TMEM117: variants seen among roughly 807,000 people sequenced by gnomAD.
The protein encoded by TMEM117 is transmembrane protein 117.
Under a neutral mutation model 52.4 loss-of-function variants are expected in TMEM117, and 27 were observed. That is an observed-to-expected ratio of 0.51 (90% CI 0.38 to 0.71). The LOEUF is 0.71. Ranked by LOEUF, TMEM117 falls within the 30% of genes least tolerant of loss-of-function variation. The pLI is 0.00. For missense variants in TMEM117, 556 were observed against 630.5 expected (o/e 0.88, Z 1.26); for synonymous variants, 215 against 206.3 (o/e 1.04, Z -0.36).
At chr12:43,906,737 C>T (rs561787511) in intron 2 of TMEM117, among the ~76,000 whole-genome samples, 2 of 152,342 alleles carry the variant, frequency 1.3e-5, no homozygotes, top group African/African-American at 2.4e-5. Context: ...TGGTGACAGA[C>T]AGCACCTGGA....
chr12:44,070,777 A>G (rs902965856), intron 3 of TMEM117, among the ~76,000 whole-genome samples: 1 of 152,202 alleles, frequency 6.6e-6, no homozygotes, highest in African/African-American at 2.4e-5. Flanking sequence ...TGTATGAGGC[A>G]TTACCAATTG....
upstream of TMEM117, among the ~76,000 whole-genome samples, chr12:43,834,744 C>G (rs975766565): frequency 6.6e-6 from 1 of 152,114 alleles, no homozygotes; most frequent in Non-Finnish European, 1.5e-5. Context: ...ATTGATTATG[C>G]AGTGGATTGA....
At chr12:43,928,365 G>T (rs1016822840) in intron 2 of TMEM117, among the ~76,000 whole-genome samples, 10 of 151,808 alleles carry the variant, frequency 6.6e-5, no homozygotes, top group African/African-American at 2.4e-4. Flanking sequence ...TTTTGCCTCA[G>T]ATATGTCTTC....
rs201423276 is a variant in TMEM117 at position 43,944,293 on chromosome 12, A to T, written c.361A>T (p.Ile121Leu). The change falls in exon 3 of 8, where the codon ATA (isoleucine) becomes TTA (leucine). Residue 121 changes from isoleucine (I) to leucine (L), a missense_variant. Ile to Leu is a conservative substitution (Grantham distance 5, BLOSUM62 2). This residue lies in a region of TMEM117 where 328 missense variants were observed against 371.4 expected (regional missense o/e 0.88). Transcript: ENST00000266534. ...CTTCAGCACAATTCTCTTTCTCTTC[A>T]TATTTTCTCACATATACAACACGAT... ...MFFSTILFLF[I>L]FSHIYNTILL... is the part of the protein sequence containing the mutation. 6 of 1,613,176 alleles carry T rather than the reference A, an allele frequency of 3.7e-6. No individual in the cohort carries two copies. The highest frequency in any genetic ancestry group is 5.1e-6 in the Non-Finnish European group (6 of 1,179,280).
chr12:44,085,504 A>G (rs1014995124), intron 3 of TMEM117, among the ~76,000 whole-genome samples: 5 of 152,236 alleles, frequency 3.3e-5, no homozygotes, highest in South Asian at 2.1e-4. Flanking sequence ...TAAATTACCA[A>G]TAGGGAGCTT....
chr12:44,354,309 G>A (rs1037125751), intron 6 of TMEM117, among the ~76,000 whole-genome samples: 4 of 151,896 alleles, frequency 2.6e-5, no homozygotes, highest in Admixed American at 6.6e-5. Flanking sequence ...GATTGCCCTG[G>A]CCAGAACTTC....
In TMEM117 at chr12:43,980,282, A is replaced by G. The variant is rs186155750; in HGVS notation, c.410+35940A>G. On this transcript the variant is annotated intron_variant, in intron 3 of 7. Transcript: ENST00000266534. ...GCTCTTCTGTGTGGAGTGGGATCAA[A>G]GCAGCCCTAACTAAAGCCCATAATG... is the stretch of plus-strand genomic sequence containing the variant. Among the ~76,000 whole-genome samples the G allele has an allele frequency of 1.9e-4, 29 of 152,250 alleles. No individual in the cohort carries two copies. In the East Asian group the frequency reaches 5.0e-3, roughly 26 times the overall value.
At chr12:44,104,941 T>TG (rs1382025317) in intron 3 of TMEM117, among the ~76,000 whole-genome samples, 5 of 151,958 alleles carry the variant, frequency 3.3e-5, no homozygotes, top group African/African-American at 1.2e-4. Context: ...GAATATGATA[T>TG]GCCTAGATGT....
chr12:44,335,653 C>T (rs1337616426), intron 6 of TMEM117, among the ~76,000 whole-genome samples: 1 of 151,972 alleles, frequency 6.6e-6, no homozygotes, highest in Non-Finnish European at 1.5e-5. Context: ...TGTATATTGT[C>T]TAAAAACATA....
intron 3 of TMEM117, among the ~76,000 whole-genome samples, chr12:44,059,207 G>C (rs79772732): frequency 0.012 from 1,776 of 152,236 alleles, 21 homozygotes; most frequent in South Asian, 0.049. Context: ...CAGCAGTATC[G>C]GTCTGCAGCT....
intron 2 of TMEM117, among the ~76,000 whole-genome samples, chr12:43,929,589 A>G (rs1437787165): frequency 6.6e-6 from 1 of 152,172 alleles, no homozygotes; most frequent in Non-Finnish European, 1.5e-5. Flanking sequence ...AGTTTTTGAC[A>G]TATGTATATA....
chr12:44,020,074 A>G (rs1946433686), intron 3 of TMEM117, among the ~76,000 whole-genome samples: 1 of 152,234 alleles, frequency 6.6e-6, no homozygotes, highest in Admixed American at 6.5e-5. Flanking sequence ...ATAATTGTGC[A>G]TATTAAAAAT....
intron 7 of TMEM117, among the ~76,000 whole-genome samples, chr12:44,380,351 C>T (rs181102458): frequency 1.3e-5 from 2 of 152,196 alleles, no homozygotes; most frequent in South Asian, 2.1e-4. Context: ...ACCTGTAGAA[C>T]CCCAGACGGC....
chr12:43,932,275 T>A (rs1039691510), intron 2 of TMEM117, among the ~76,000 whole-genome samples: 1 of 151,242 alleles, frequency 6.6e-6, no homozygotes, highest in African/African-American at 2.4e-5. Flanking sequence ...TAAAATAACT[T>A]ATATTTTTAA....
At chr12:44,272,081 T>C (rs754984485) in intron 5 of TMEM117, among the ~76,000 whole-genome samples, 35 of 151,798 alleles carry the variant, frequency 2.3e-4, no homozygotes, top group Admixed American at 2.3e-3. Context: ...AGATGAAAGA[T>C]AAGTATTGGT....
intron 3 of TMEM117, among the ~76,000 whole-genome samples, chr12:43,972,963 C>T (rs1356395392): frequency 6.6e-6 from 1 of 152,138 alleles, no homozygotes; most frequent in Non-Finnish European, 1.5e-5. Context: ...AAGTATCCCT[C>T]CTTAACTATT....
At chr12:44,060,490 A>C (rs1947123175) in intron 3 of TMEM117, among the ~76,000 whole-genome samples, 1 of 152,154 alleles carries the variant, frequency 6.6e-6, no homozygotes, top group Admixed American at 6.6e-5. Flanking sequence ...ACAGTGCAGG[A>C]AACAGCTAAG....
At chr12:44,299,304 T>A (rs1006650591) in intron 5 of TMEM117, among the ~76,000 whole-genome samples, 1 of 152,046 alleles carries the variant, frequency 6.6e-6, no homozygotes, top group African/African-American at 2.4e-5. Flanking sequence ...CTAATTTTTT[T>A]GTATTTTTAG....
chr12:43,983,259 G>C (rs1465759645), intron 3 of TMEM117, among the ~76,000 whole-genome samples: 1 of 152,124 alleles, frequency 6.6e-6, no homozygotes, highest in Non-Finnish European at 1.5e-5. Context: ...GCAAGAAAGA[G>C]TTCCCAGCAC....
Sources: allele counts gnomAD v4.1 joint callset (sites outside exome capture counted in the v4.1 genomes callset), GRCh38; gene constraint gnomAD v4.1.1; regional missense constraint gnomAD v4.1.1; transcripts MANE v1.5; gene names NCBI Gene and HGNC (gene_info 2026-07-23, HGNC 2026-07-21).